PCDHA6: variants seen among roughly 807,000 people sequenced by gnomAD.
PCDHA6 encodes the protein protocadherin alpha 6.
A neutral mutation model predicts 60.3 loss-of-function variants in PCDHA6; 55 were observed. That is an observed-to-expected ratio of 0.91 (90% CI 0.73 to 1.14). The LOEUF is 1.14. Ranked by LOEUF, PCDHA6 falls within the 50% of genes most tolerant of loss-of-function variation. The probability of loss-of-function intolerance (pLI) is 0.00; values close to 1 mark genes in which losing one functional copy is unlikely to be tolerated. For synonymous variants in PCDHA6, 652 were observed against 557.9 expected (o/e 1.17, Z -2.38); for missense variants, 1,327 against 1,256.5 (o/e 1.06, Z -0.85).
At chr5:140,945,125 T>G (rs405192) in intron 1 of PCDHA6, among the ~76,000 whole-genome samples, 86,337 of 151,830 alleles carry the variant, frequency 0.57, 25,231 homozygotes, top group African/African-American at 0.71. Flanking sequence ...AAAAATCAAC[T>G]TACAAAAATC....
intron 1 of PCDHA6, chr5:140,868,892 A>G (rs1450985948): frequency 3.9e-6 from 3 of 760,982 alleles, no homozygotes; most frequent in Non-Finnish European, 4.1e-6. Context: ...TTTTAGGCGC[A>G]AGGTGTCGCT....
At chr5:140,996,791 A>G (rs2153942087) in intron 3 of PCDHA6, among the ~76,000 whole-genome samples, 1 of 152,316 alleles carries the variant, frequency 6.6e-6, no homozygotes, top group Non-Finnish European at 1.5e-5. Context: ...CTCACTCCCT[A>G]CATCCAATCA....
chr5:140,968,553 G>C (rs782583876), intron 1 of PCDHA6: 4 of 1,614,132 alleles, frequency 2.5e-6, no homozygotes, highest in South Asian at 1.1e-5. Context: ...ATGGTGCCTC[G>C]AACTGCCCCT....
intron 3 of PCDHA6, among the ~76,000 whole-genome samples, chr5:140,984,004 A>G (rs1039333145): frequency 6.6e-6 from 1 of 152,196 alleles, no homozygotes; most frequent in Admixed American, 6.5e-5. Context: ...TTAGAGAGCT[A>G]ATATTGCCAG....
At chr5:140,913,440 T>A (rs2076337142) in intron 1 of PCDHA6, among the ~76,000 whole-genome samples, 1 of 152,224 alleles carries the variant, frequency 6.6e-6, no homozygotes, top group Non-Finnish European at 1.5e-5. Context: ...GCCTCCTTTT[T>A]CAGCTCCGAT....
At chr5:140,856,040 A>T (rs374986437) in intron 1 of PCDHA6, 4 of 1,569,320 alleles carry the variant, frequency 2.5e-6, no homozygotes, top group Non-Finnish European at 3.5e-6. Flanking sequence ...AAAACAAGAG[A>T]AGGATAAGAT....
intron 1 of PCDHA6, among the ~76,000 whole-genome samples, chr5:140,960,324 G>A (rs2095540604): frequency 6.6e-6 from 1 of 152,168 alleles, no homozygotes; most frequent in Non-Finnish European, 1.5e-5. Context: ...AGGGTCCTGT[G>A]AGAAGTACAT....
chr5:141,009,582 G>A, intron 3 of PCDHA6, 45 bp from the exon 4 acceptor site: 1 of 1,590,226 alleles, frequency 6.3e-7, no homozygotes, highest in Non-Finnish European at 8.6e-7. Context: ...GGCATCAAGA[G>A]CATGTGTTGA....
rs145968482 is a variant in PCDHA6, at chr5:140,977,336, C to G, written c.2395-1613C>G. Among the ~76,000 whole-genome samples, 133 of 152,262 alleles carry G rather than the reference C, an allele frequency of 8.7e-4. 2 individuals carry two copies. The highest frequency in any genetic ancestry group is 3.9e-4 in the East Asian group (2 of 5,188). On this transcript the variant is annotated intron_variant, in intron 1 of 3. Coordinates refer to ENST00000529310, the MANE Select transcript of PCDHA6 (RefSeq NM_018909.4). Reference sequence around the variant, plus strand: ...GTGCTCCTGATGGCGAGGGGAGAGACGGTGATGATGACTGATTGATAAAAA... The same window carrying G: ...GTGCTCCTGATGGCGAGGGGAGAGAGGGTGATGATGACTGATTGATAAAAA...
At chr5:140,853,868 T>C (rs2042891681) in intron 1 of PCDHA6, 1 of 983,114 alleles carries the variant, frequency 1.0e-6, no homozygotes, top group South Asian at 4.7e-5. Flanking sequence ...TACTTGACAG[T>C]GCAAGTTTCT....
chr5:140,923,219 CGTTTGAGCCCAGAA>C (rs6149268), intron 1 of PCDHA6, among the ~76,000 whole-genome samples: 47,935 of 151,966 alleles, frequency 0.32, 7,912 homozygotes, highest in East Asian at 0.52. Context: ...GTGAAAGGAT[CGTTTGAGCCCAGAA>C]GTTTGAGACC....
At chr5:140,921,301 C>T (rs1227923324) in intron 1 of PCDHA6, among the ~76,000 whole-genome samples, 1 of 151,954 alleles carries the variant, frequency 6.6e-6, no homozygotes. Flanking sequence ...TTGCTGAATG[C>T]CATTGTATTA....
chr5:140,907,066 G>A (rs748785005), intron 1 of PCDHA6, among the ~76,000 whole-genome samples: 6 of 152,096 alleles, frequency 3.9e-5, no homozygotes, highest in Non-Finnish European at 8.8e-5. Context: ...TTTACTAGTG[G>A]GTCACTAGGG....
chr5:140,837,753 T>G (rs1775240938), intron 1 of PCDHA6, among the ~76,000 whole-genome samples: 1 of 151,848 alleles, frequency 6.6e-6, no homozygotes, highest in South Asian at 2.1e-4. Context: ...TATAGCCCAC[T>G]GCAACCTGAA....
At chr5:140,920,405 A>T (rs1253203896) in intron 1 of PCDHA6, among the ~76,000 whole-genome samples, 1 of 152,118 alleles carries the variant, frequency 6.6e-6, no homozygotes, top group Non-Finnish European at 1.5e-5. Context: ...TCTTTTTTTA[A>T]TCAGATACAG....
intron 1 of PCDHA6, chr5:140,967,709 G>A (rs1554229820): frequency 3.1e-6 from 5 of 1,614,022 alleles, no homozygotes; most frequent in Admixed American, 3.3e-5. Flanking sequence ...TGCCAGTACC[G>A]GGGAAGTGCG....
At chr5:140,990,541 A>T (rs868916666) in intron 3 of PCDHA6, among the ~76,000 whole-genome samples, 1 of 152,210 alleles carries the variant, frequency 6.6e-6, no homozygotes, top group Admixed American at 6.5e-5. Context: ...CATCATAGAT[A>T]CTGTATTACC....
intron 3 of PCDHA6, among the ~76,000 whole-genome samples, chr5:140,983,631 C>T (rs1336337529): frequency 2.0e-5 from 3 of 152,134 alleles, no homozygotes; most frequent in African/African-American, 7.2e-5. Context: ...AAGAAATGTA[C>T]CCAAGTTCAC....
chr5:140,862,692 G>C, intron 1 of PCDHA6: 1 of 555,502 alleles, frequency 1.8e-6, no homozygotes, highest in Non-Finnish European at 3.6e-6. Flanking sequence ...TGTCCTACTC[G>C]TTGATGGAAC....
Sources: gnomAD v4.1 joint callset for allele counts (sites outside exome capture counted in the v4.1 genomes callset) on GRCh38, gnomAD v4.1.1 for gene constraint, MANE v1.5 for transcripts, NCBI Gene and HGNC (gene_info 2026-07-23, HGNC 2026-07-21) for gene names.